Variants in CCDC138 observed in about 807,000 individuals in gnomAD.
The protein encoded by CCDC138 is coiled-coil domain-containing protein 138.
In CCDC138, 66 loss-of-function variants were observed where a neutral mutation model predicts 82.3. That is an observed-to-expected ratio of 0.80 (90% CI 0.66 to 0.98). The LOEUF (loss-of-function observed/expected upper bound fraction) is 0.98, where lower values mean the gene tolerates loss of function less well. Among genes scored for constraint, CCDC138 ranks in the 50% least tolerant of loss-of-function variants. CCDC138 has a pLI of 0.00. For missense variants in CCDC138, 816 were observed against 758.9 expected (o/e 1.08, Z -0.88); for synonymous variants, 297 against 265.4 (o/e 1.12, Z -1.16).
At chr2:108,816,183 G>A in intron 10 of CCDC138, 78 bp downstream of exon 10, 1 of 1,069,526 alleles carries the variant, frequency 9.3e-7, no homozygotes, top group Non-Finnish European at 1.4e-6. Context: ...AGGCACAGTG[G>A]CTCACGTCTA....
intron 9 of CCDC138, 138 bp from the exon 10 acceptor site, chr2:108,815,803 T>G (rs1027582093): frequency 1.4e-6 from 1 of 706,822 alleles, no homozygotes; most frequent in South Asian, 2.1e-5. Context: ...TTTGTTTGTT[T>G]GGAGAAGCTC....
intron 12 of CCDC138, among the ~76,000 whole-genome samples, chr2:108,855,742 A>G (rs1251948802): frequency 6.6e-6 from 1 of 152,198 alleles, no homozygotes; most frequent in Non-Finnish European, 1.5e-5. Flanking sequence ...AAGTTATTCT[A>G]AACTTCTCAT....
intron 4 of CCDC138, 89 bp downstream of exon 4, chr2:108,791,891 C>T: frequency 1.5e-6 from 2 of 1,296,872 alleles, no homozygotes; most frequent in Non-Finnish European, 2.1e-6. Context: ...AACACTGGCC[C>T]CCAAGAGTTT....
chr2:108,852,682 A>G (rs559034916), intron 12 of CCDC138, among the ~76,000 whole-genome samples: 4 of 152,324 alleles, frequency 2.6e-5, no homozygotes, highest in Non-Finnish European at 4.4e-5. Flanking sequence ...GTTCTCATTT[A>G]TAAGTGGGAG....
chr2:108,815,461 G>GTTTTTTTTTTTT (rs35206784), intron 9 of CCDC138, among the ~76,000 whole-genome samples: 5 of 70,700 alleles, frequency 7.1e-5, no homozygotes, highest in Admixed American at 2.1e-4. Context: ...GGTTTTTGGT[G>GTTTTTTTTTTTT]TTTTTTTTTT....
intron 7 of CCDC138, among the ~76,000 whole-genome samples, chr2:108,810,843 C>G (rs1407553865): frequency 1.3e-5 from 2 of 152,192 alleles, no homozygotes; most frequent in Non-Finnish European, 2.9e-5. Context: ...AAACTTTTTA[C>G]TACAATTCAA....
At chr2:108,853,330 G>C (rs1053368460) in intron 12 of CCDC138, among the ~76,000 whole-genome samples, 5 of 152,076 alleles carry the variant, frequency 3.3e-5, no homozygotes, top group African/African-American at 1.2e-4. Context: ...GATTTTTCTA[G>C]AAATATTGGG....
intron 5 of CCDC138, among the ~76,000 whole-genome samples, chr2:108,795,114 A>G (rs530988572): frequency 5.1e-4 from 63 of 122,956 alleles, no homozygotes; most frequent in African/African-American, 1.8e-3. Flanking sequence ...ACATTTGCTT[A>G]TTATCTGCCT....
intron 9 of CCDC138, among the ~76,000 whole-genome samples, chr2:108,813,460 C>A (rs977142386): frequency 2.0e-5 from 3 of 151,972 alleles, no homozygotes; most frequent in Non-Finnish European, 2.9e-5. Context: ...TATTATATTT[C>A]AGCAGTGTTT....
intron 10 of CCDC138, among the ~76,000 whole-genome samples, chr2:108,817,276 A>T (rs775660582): frequency 4.6e-5 from 7 of 151,678 alleles, no homozygotes; most frequent in Non-Finnish European, 1.0e-4. Flanking sequence ...GCCATGAGAC[A>T]TGGAATTCAG....
At chr2:108,838,364 A>G (rs1688924361) in intron 10 of CCDC138, among the ~76,000 whole-genome samples, 2 of 152,212 alleles carry the variant, frequency 1.3e-5, no homozygotes, top group Non-Finnish European at 2.9e-5. Flanking sequence ...CAATACACTC[A>G]TAATCATTAG....
In CCDC138 at chr2:108,812,631, T is replaced by G. The variant is rs1234066991; in HGVS notation, c.856T>G (p.Leu286Val). 1.9e-6 allele frequency: 3 copies of G among 1,610,396 alleles called. No individual in the cohort carries two copies. Among genetic ancestry groups the G allele is most frequent in the Non-Finnish European group, 2.5e-6 (3 of 1,176,858 alleles). ...ATATCTAACTTTTTCTACCCTTTAGTTAAATGAAGCAAGTGAAGAAAACAG... is the reference window on the plus strand; with the variant it reads ...ATATCTAACTTTTTCTACCCTTTAGGTAAATGAAGCAAGTGAAGAAAACAG... ...KELNDTLKKQ[L>V]NEASEENRKI... The change falls in exon 8 of 15, where the codon TTA (leucine) becomes GTA (valine). Residue 286 changes from leucine to valine, a missense_variant and splice_region_variant. By Grantham distance (32) the Leu-to-Val change is conservative (BLOSUM62 1). Coordinates refer to ENST00000295124, the MANE Select transcript of CCDC138 (RefSeq NM_144978.3).
chr2:108,860,947 T>TTTTTTTTTTTTTG (rs1693492543), intron 13 of CCDC138, among the ~76,000 whole-genome samples: 1 of 140,872 alleles, frequency 7.1e-6, no homozygotes, highest in African/African-American at 2.5e-5. Context: ...TTTTTTTTTT[T>TTTTTTTTTTTTTG]TTTTTTTTTT....
intron 7 of CCDC138, among the ~76,000 whole-genome samples, chr2:108,805,858 A>G (rs976140445): frequency 1.3e-5 from 2 of 152,194 alleles, no homozygotes; most frequent in East Asian, 3.8e-4. Flanking sequence ...GTAAAGGAGT[A>G]TGTTAAAGAG....
chr2:108,820,935 TA>T (rs1454557777), intron 10 of CCDC138, among the ~76,000 whole-genome samples: 1 of 152,126 alleles, frequency 6.6e-6, no homozygotes, highest in Non-Finnish European at 1.5e-5. Flanking sequence ...AATGGACAAA[TA>T]TAGTAAGTAG....
chr2:108,825,105 G>A (rs1363464724), intron 10 of CCDC138, among the ~76,000 whole-genome samples: 3 of 152,102 alleles, frequency 2.0e-5, no homozygotes, highest in Non-Finnish European at 4.4e-5. Context: ...AAATAAATTA[G>A]GAATGTGAGA....
intron 13 of CCDC138, among the ~76,000 whole-genome samples, chr2:108,866,305 AC>A (rs1694405602): frequency 6.6e-6 from 1 of 152,024 alleles, no homozygotes; most frequent in Non-Finnish European, 1.5e-5. Flanking sequence ...CAGGATCATC[AC>A]CTCCATCTCA....
At chr2:108,881,530 C>T (rs185821958), downstream of CCDC138, among the ~76,000 whole-genome samples, 32 of 152,282 alleles carry the variant, frequency 2.1e-4, no homozygotes, top group Admixed American at 1.8e-3. Flanking sequence ...TTCACAACTT[C>T]GTAGTTTGGC....
At chr2:108,805,098 T>G (rs927345329) in intron 7 of CCDC138, 90 bp downstream of exon 7, 2 of 618,404 alleles carry the variant, frequency 3.2e-6, no homozygotes, top group African/African-American at 3.8e-5. Flanking sequence ...TAGAACACGT[T>G]TCAGCTAGAG....
Sources: allele counts gnomAD v4.1 joint callset (sites outside exome capture counted in the v4.1 genomes callset), GRCh38; gene constraint gnomAD v4.1.1; transcripts MANE v1.5; gene names NCBI Gene and HGNC (gene_info 2026-07-23, HGNC 2026-07-21).